Variants in ATP10B observed in about 807,000 individuals in gnomAD.
ATP10B encodes ATPase phospholipid transporting 10B (putative).
Under a neutral mutation model 141.2 loss-of-function variants are expected in ATP10B, and 122 were observed. The ratio of observed to expected loss-of-function variants is 0.86; its 90% CI spans 0.75 to 1.00. The LOEUF (loss-of-function observed/expected upper bound fraction) is 1.00. ATP10B is among the 50% of genes least tolerant of loss of function. The pLI is 0.00. For synonymous variants in ATP10B, 685 were observed against 692.0 expected (o/e 0.99, Z 0.16); for missense variants, 1,876 against 1,825.3 (o/e 1.03, Z -0.51).
intron 24 of ATP10B, among the ~76,000 whole-genome samples, chr5:160,584,101 A>G (rs1755729902): frequency 6.6e-6 from 1 of 151,932 alleles, no homozygotes; most frequent in South Asian, 2.1e-4. Context: ...AAACTCCTGC[A>G]GCTATCTCCA....
At position 160,591,161 on chromosome 5, in the gene ATP10B, A is replaced by G. The variant is rs374618881; in HGVS notation, c.3565-22T>C. 2.0e-4 allele frequency: 319 copies of G among 1,600,308 alleles called. 1 individual carries two copies. The highest frequency in any genetic ancestry group is 6.1e-5 in the Non-Finnish European group (71 of 1,171,628). On this transcript the variant is annotated intron_variant, in intron 22 of 25. Transcript: ENST00000327245. ...AGCACTGCCAGGAGAGAACACACCA[A>G]TAATTATCACCCTTATAGCAAGCCT... is the stretch of plus-strand genomic sequence containing the variant.
chr5:160,827,324 TTTTTTAAC>T lies in ATP10B; in HGVS notation c.-576+24609_-576+24616del, dbSNP rs1320913800. Among the ~76,000 whole-genome samples, 38 of 152,280 alleles carry T rather than the reference TTTTTTAAC, an allele frequency of 2.5e-4. 1 individual carries two copies. The highest frequency in any genetic ancestry group is 6.5e-4 in the Admixed American group (10 of 15,286). On this transcript the variant is annotated intron_variant, in intron 1 of 25. Coordinates refer to ENST00000327245, the MANE Select transcript of ATP10B (RefSeq NM_025153.3). ...TTCTCTTCAACCTTGCCTGCATCTG[TTTTTTAAC>T]TTTTTAATTATAACCAGTCTGACTG...
intron 2 of ATP10B, among the ~76,000 whole-genome samples, chr5:160,772,556 G>C (rs1769984010): frequency 6.6e-6 from 1 of 152,166 alleles, no homozygotes. Context: ...GGATGAAACT[G>C]TTCCACCTCA....
chr5:160,635,851 C>A (rs1312828062), intron 11 of ATP10B, among the ~76,000 whole-genome samples: 1 of 152,162 alleles, frequency 6.6e-6, no homozygotes, highest in African/African-American at 2.4e-5. Flanking sequence ...ACTTTATCTT[C>A]TTTTGTTCCT....
the ATP10B span, among the ~76,000 whole-genome samples, chr5:160,897,984 C>A: frequency 3.9e-5 from 6 of 152,148 alleles, no homozygotes; most frequent in Non-Finnish European, 7.3e-5. Context: ...AACTGACTAG[C>A]CATATGCAGA....
intron 24 of ATP10B, among the ~76,000 whole-genome samples, chr5:160,570,012 G>T (rs1754777813): frequency 6.6e-6 from 1 of 151,940 alleles, no homozygotes; most frequent in Admixed American, 6.6e-5. Context: ...TGTTTCGTAT[G>T]ACTTTTTGTT....
chr5:160,891,044 T>G, the ATP10B span, among the ~76,000 whole-genome samples: 12 of 152,202 alleles, frequency 7.9e-5, no homozygotes, highest in African/African-American at 2.9e-4. Flanking sequence ...TGAATAACTG[T>G]TTTTAATTCT....
At chr5:160,814,378 G>A (rs1223514638) in intron 1 of ATP10B, among the ~76,000 whole-genome samples, 4 of 152,122 alleles carry the variant, frequency 2.6e-5, no homozygotes, top group Admixed American at 2.6e-4. Flanking sequence ...TGGAAGAAAG[G>A]GTATCAGTGA....
At chr5:160,797,141 T>A (rs1310386453) in intron 1 of ATP10B, among the ~76,000 whole-genome samples, 1 of 152,102 alleles carries the variant, frequency 6.6e-6, no homozygotes, top group Admixed American at 6.5e-5. Context: ...CAGGAACCCC[T>A]GGCTGGGAAA....
chr5:160,761,828 T>TAA (rs112455754), intron 2 of ATP10B, among the ~76,000 whole-genome samples: 46,346 of 151,472 alleles, frequency 0.31, 7,488 homozygotes, highest in Non-Finnish European at 0.36. Context: ...TTTAAAAAAT[T>TAA]TAAAAAAATG....
At chr5:160,636,348 A>C in intron 10 of ATP10B, 39 bp from the exon 11 acceptor site, 1 of 1,601,894 alleles carries the variant, frequency 6.2e-7, no homozygotes, top group Non-Finnish European at 8.5e-7. Context: ...CTGAATCTCT[A>C]CTAAGTCCTA....
the ATP10B span, among the ~76,000 whole-genome samples, chr5:160,903,660 A>G: frequency 6.6e-6 from 1 of 152,156 alleles, no homozygotes; most frequent in Non-Finnish European, 1.5e-5. Flanking sequence ...TGGTAGAGCC[A>G]CCCTCTCATC....
At chr5:160,799,244 C>A (rs1005706871) in intron 1 of ATP10B, among the ~76,000 whole-genome samples, 17 of 152,316 alleles carry the variant, frequency 1.1e-4, no homozygotes, top group Admixed American at 2.6e-4. Context: ...CAGTGTCCTC[C>A]ACCATGTAAC....
At chr5:160,584,304 T>C (rs1253112591) in intron 24 of ATP10B, among the ~76,000 whole-genome samples, 3 of 152,014 alleles carry the variant, frequency 2.0e-5, no homozygotes, top group Non-Finnish European at 4.4e-5. Flanking sequence ...CAACCCCTTG[T>C]GCTTTCCGGG....
At chr5:160,888,849 C>T in the ATP10B span, among the ~76,000 whole-genome samples, 203 of 152,250 alleles carry the variant, frequency 1.3e-3, 1 homozygote, top group Non-Finnish European at 1.3e-3. Context: ...ATTTATACAC[C>T]TATTTTTGAG....
At chr5:160,793,659 G>C (rs1425528201) in intron 1 of ATP10B, among the ~76,000 whole-genome samples, 1 of 152,150 alleles carries the variant, frequency 6.6e-6, no homozygotes, top group South Asian at 2.1e-4. Flanking sequence ...TAGCCTAAGT[G>C]TATGGTATTT....
In ATP10B at chr5:160,565,514, T is replaced by C; in HGVS notation, c.4325A>G (p.Asp1442Gly). The C allele has an allele frequency of 6.2e-7, 1 of 1,614,116 alleles. No individual in the cohort carries two copies. The highest frequency in any genetic ancestry group is 8.5e-7 in the Non-Finnish European group (1 of 1,179,982). ...GCTCCTCTTTGAGCACCGGCACATA[T>C]CAGTCTGTCCTCTTGAGTAGGCCAT... The part of the protein sequence containing the change: ...RIMAYSRGQT[D>G]MCRCSKRSSH... The change falls in exon 26 of 26, where the codon GAT (aspartate) becomes GGT (glycine). Residue 1442 changes from aspartate to glycine, a missense_variant. Physicochemically the swap from Asp to Gly is moderately conservative, Grantham distance 94. Coordinates refer to ENST00000327245, the MANE Select transcript of ATP10B (RefSeq NM_025153.3).
chr5:160,743,004 G>T (rs113623879), intron 2 of ATP10B, among the ~76,000 whole-genome samples: 1 of 152,182 alleles, frequency 6.6e-6, no homozygotes, highest in Admixed American at 6.5e-5. Context: ...CATTATAATC[G>T]CAAAGATGAT....
the ATP10B span, among the ~76,000 whole-genome samples, chr5:160,879,931 A>G: frequency 3.3e-5 from 5 of 152,084 alleles, no homozygotes; most frequent in East Asian, 1.9e-4. Flanking sequence ...ACAAATGCCA[A>G]TTGCTTTGTA....
Sources: allele counts gnomAD v4.1 joint callset (sites outside exome capture counted in the v4.1 genomes callset), GRCh38; gene constraint gnomAD v4.1.1; transcripts MANE v1.5; gene names NCBI Gene and HGNC (gene_info 2026-07-23, HGNC 2026-07-21).